The following XDH variants were observed in gnomAD, a reference collection of about 807,000 sequenced individuals.
XDH encodes the protein xanthine dehydrogenase, also known as xanthine dehydrogenase/oxidase.
A neutral mutation model predicts 156.1 loss-of-function variants in XDH; 138 were observed. The ratio of observed to expected loss-of-function variants is 0.88; its 90% CI spans 0.77 to 1.02. XDH has a LOEUF of 1.02. XDH is among the 50% of genes least tolerant of loss of function. The pLI, the probability that XDH is intolerant of heterozygous loss-of-function variation, is 0.00. For synonymous variants in XDH, 669 were observed against 625.7 expected, an observed-to-expected ratio of 1.07 and a Z score of -1.03; for missense variants, 1,849 against 1,684.9, an observed-to-expected ratio of 1.10 and a Z score of -1.71.
intron 6 of XDH, among the ~76,000 whole-genome samples, chr2:31,390,006 T>A (rs763471624): frequency 6.6e-6 from 1 of 152,196 alleles, no homozygotes; most frequent in African/African-American, 2.4e-5. Context: ...TGGACCCACA[T>A]TGACACATCA....
In XDH at chr2:31,372,370, C is replaced by T. The variant is rs770943186; in HGVS notation, c.1714G>A (p.Asp572Asn). Reference protein sequence around the residue: ...QEVPKGQSEEDMVGRPLPHLA... With the variant: ...QEVPKGQSEENMVGRPLPHLA... ...TGGGGCAGGGGCCGGCCCACCATGT[C>T]CTCCTCAGACTGACCCTTGGGCACC... Residue 572 changes from aspartate to asparagine, a missense_variant, in exon 17 of 36, where the codon GAC (aspartate) becomes AAC (asparagine). Physicochemically the swap from Asp to Asn is conservative, Grantham distance 23. Coordinates refer to ENST00000379416, the MANE Select transcript of XDH (RefSeq NM_000379.4). 1 of 1,613,990 alleles carries T rather than the reference C, an allele frequency of 6.2e-7. No homozygotes were observed.
rs182367746 is a variant in XDH, at chr2:31,334,360, G to C, written c.*1598C>G. The C allele has an allele frequency of 7.2e-5, 11 of 152,266 alleles. No homozygotes were observed. Among genetic ancestry groups the C allele is most frequent in the Non-Finnish European group, 1.0e-4 (7 of 68,026 alleles). 9.4% of individuals were successfully genotyped at this position (152,266 alleles called of 1,614,324 possible). On this transcript the variant is annotated 3_prime_UTR_variant, in exon 36 of 36. Transcript: ENST00000379416. The stretch of plus-strand genomic sequence containing the variant: ...CATTTATTAGTGACATCAAGCACCA[G>C]TCCAACTATATCATTTCCACTATCC...
chr2:31,388,082 C>T, intron 7 of XDH, 145 bp downstream of exon 7: 5 of 1,072,092 alleles, frequency 4.7e-6, no homozygotes, highest in Non-Finnish European at 7.0e-6. Context: ...CTAACGTGCA[C>T]CATCACCATC....
In XDH at chr2:31,372,380, C is replaced by A; in HGVS notation, c.1704G>T (p.Gln568His). 1 of 1,614,108 alleles carries A rather than the reference C, an allele frequency of 6.2e-7. No individual in the cohort carries two copies. Among genetic ancestry groups the A allele is most frequent in the South Asian group, 1.1e-5 (1 of 91,088 alleles). ...GCCGGCCCACCATGTCCTCCTCAGA[C>A]TGACCCTTGGGCACCTCCTGGAATG... The part of the protein sequence containing the change: ...VQLFQEVPKG[Q>H]SEEDMVGRPL... Residue 568 changes from glutamine (Q) to histidine (H), a missense_variant, in exon 17 of 36, where the codon CAG (glutamine) becomes CAT (histidine). Transcript: ENST00000379416.
At chr2:31,380,110 C>T in intron 12 of XDH, 134 bp from the exon 13 acceptor site, 1 of 815,638 alleles carries the variant, frequency 1.2e-6, no homozygotes, top group Admixed American at 2.0e-5. Flanking sequence ...ATGACTGGCA[C>T]AATTGGGGCC....
At chr2:31,359,570 G>A (rs2148763044) in intron 24 of XDH, among the ~76,000 whole-genome samples, 1 of 152,276 alleles carries the variant, frequency 6.6e-6, no homozygotes, top group East Asian at 1.9e-4. Flanking sequence ...GTGATCTGCA[G>A]AATACCTAGA....
At chr2:31,364,119 T>C in intron 24 of XDH, 39 bp downstream of exon 24, 1 of 1,608,420 alleles carries the variant, frequency 6.2e-7, no homozygotes, top group Non-Finnish European at 8.5e-7. Context: ...GACCTCGAAG[T>C]CAGCTCTGGG....
At chr2:31,389,260 C>T (rs1686698048) in intron 6 of XDH, among the ~76,000 whole-genome samples, 1 of 152,200 alleles carries the variant, frequency 6.6e-6, no homozygotes, top group South Asian at 2.1e-4. Flanking sequence ...CAAGAAAGCA[C>T]TCATGGGATG....
chr2:31,388,501 T>C lies in XDH; in HGVS notation c.496-206A>G, dbSNP rs206847. Among the ~76,000 whole-genome samples the C allele has an allele frequency of 0.66, 101,104 of 152,066 alleles. 34,229 individuals carry two copies. The highest frequency in any genetic ancestry group is 0.76 in the African/African-American group (31,709 of 41,488). On this transcript the variant is annotated intron_variant, in intron 6 of 35. Transcript: ENST00000379416. ...TGGCTAACGTAGATTAAACAACTCA[T>C]GGATAAACAAATAGGAGCAACAAGG... is the stretch of plus-strand genomic sequence containing the variant.
At chr2:31,342,368 C>T (rs1685148694) in intron 31 of XDH, 71 bp from the exon 32 acceptor site, 3 of 1,330,552 alleles carry the variant, frequency 2.3e-6, no homozygotes, top group South Asian at 1.2e-5. Flanking sequence ...GCACGTACAG[C>T]TTGACCCACA....
At chr2:31,406,099 C>T (rs190864968) in intron 1 of XDH, 135 bp from the exon 2 acceptor site, 37 of 969,834 alleles carry the variant, frequency 3.8e-5, no homozygotes, top group Non-Finnish European at 5.9e-5. Context: ...CACTCTGCCC[C>T]TCTAAATCTC....
At chr2:31,392,511 A>G (rs1686795245) in intron 6 of XDH, among the ~76,000 whole-genome samples, 1 of 151,702 alleles carries the variant, frequency 6.6e-6, no homozygotes, top group Admixed American at 6.6e-5. Context: ...TGCAACCTCC[A>G]CTTCCTGGGT....
intron 6 of XDH, 149 bp from the exon 7 acceptor site, chr2:31,388,444 G>C (rs950292911): frequency 2.4e-6 from 2 of 832,554 alleles, no homozygotes; most frequent in Admixed American, 2.0e-5. Context: ...CTGTTGCCCA[G>C]AGTGGAGGCC....
intron 24 of XDH, among the ~76,000 whole-genome samples, chr2:31,358,759 A>G (rs1485050368): frequency 2.6e-5 from 4 of 152,198 alleles, no homozygotes; most frequent in African/African-American, 9.6e-5. Flanking sequence ...AACTTTCTTA[A>G]TCTGATCATG....
chr2:31,376,065 G>A (rs867854054), intron 14 of XDH, among the ~76,000 whole-genome samples: 10 of 152,106 alleles, frequency 6.6e-5, no homozygotes, highest in South Asian at 6.2e-4. Context: ...TGAAGTGTTC[G>A]GTACAATTTC....
Position 31,401,295 on chromosome 2 carries a change from G to T in XDH, c.231C>A (p.Ile77=). The change falls in exon 4 of 36, where the codon ATC becomes ATA. Residue 77 remains isoleucine, a synonymous_variant. Transcript: ENST00000379416. ...TCACTGCAACATGGTGCAAGGAGCA[G>T]ATGGGGGCCAGGCAGGCATTGGCAG... The part of the protein sequence containing the change: ...HFSANACLAP[I]CSLHHVAVTT... 1 of 1,614,236 alleles carries T rather than the reference G, an allele frequency of 6.2e-7. No individual in the cohort carries two copies. The highest frequency in any genetic ancestry group is 8.5e-7 in the Non-Finnish European group (1 of 1,180,044).
intron 30 of XDH, among the ~76,000 whole-genome samples, chr2:31,345,184 C>T (rs962412486): frequency 6.6e-6 from 1 of 152,222 alleles, no homozygotes; most frequent in African/African-American, 2.4e-5. Flanking sequence ...CACACCTCTG[C>T]ACCTTTATTT....
At chr2:31,371,082 C>T (rs188554452) in intron 17 of XDH, among the ~76,000 whole-genome samples, 128 of 152,314 alleles carry the variant, frequency 8.4e-4, no homozygotes, top group African/African-American at 3.0e-3. Flanking sequence ...ATTCATTGTG[C>T]TATCCCAGCA....
chr2:31,358,940 T>C (rs767850550), intron 24 of XDH, among the ~76,000 whole-genome samples: 6 of 152,094 alleles, frequency 3.9e-5, no homozygotes, highest in Admixed American at 6.5e-5. Flanking sequence ...GATGAAAACA[T>C]GCAGATTGGA....
Sources: allele counts gnomAD v4.1 joint callset (sites outside exome capture counted in the v4.1 genomes callset), GRCh38; gene constraint gnomAD v4.1.1; transcripts MANE v1.5; gene names NCBI Gene and HGNC (gene_info 2026-07-23, HGNC 2026-07-21).